NPRL3: variants seen among roughly 807,000 people sequenced by gnomAD.
NPRL3 encodes the protein NPR3 like, GATOR1 complex subunit.
NPRL3 carries 23 observed loss-of-function variants against 57.2 expected under a neutral mutation model. That is an observed-to-expected ratio of 0.40 (90% confidence interval 0.29 to 0.57). The LOEUF (loss-of-function observed/expected upper bound fraction) is 0.57, where lower values mean the gene tolerates loss of function less well. NPRL3 is among the 20% of genes least tolerant of loss of function. The pLI is 0.42. For synonymous variants in NPRL3, 333 were observed against 321.1 expected, an observed-to-expected ratio of 1.04 and a Z score of -0.39; for missense variants, 691 against 767.1, an observed-to-expected ratio of 0.90 and a Z score of 1.17.
chr16:103,431 G>A (rs1340145698), intron 7 of NPRL3, among the ~76,000 whole-genome samples: 1 of 148,108 alleles, frequency 6.8e-6, no homozygotes, highest in Non-Finnish European at 1.5e-5. Flanking sequence ...GTGAGCCACC[G>A]CACCCACCCA....
At chr16:105,402 T>C in intron 7 of NPRL3, among the ~76,000 whole-genome samples, 1 of 152,206 alleles carries the variant, frequency 6.6e-6, no homozygotes, top group East Asian at 1.9e-4. Context: ...CCATAAGTAG[T>C]GGGATGCTGC....
rs1023829139 is a variant in NPRL3 at position 105,639 on chromosome 16, C to T, written c.629+4886G>A. On this transcript the variant is annotated intron_variant, in intron 7 of 13. Coordinates refer to ENST00000611875, the MANE Select transcript of NPRL3 (RefSeq NM_001077350.3). ...CACTCCCCACCACAGGTCCTGTTAA[C>T]TCGGAGAACCATTCAGCAAATCACT... 1.1e-4 allele frequency among the ~76,000 whole-genome samples: 16 copies of T among 152,336 alleles called. 2 individuals carry two copies. Among genetic ancestry groups the T allele is most frequent in the Admixed American group, 1.0e-3 (16 of 15,298 alleles).
Position 110,515 on chromosome 16 carries a change from C to A in NPRL3, c.629+10G>T, listed in dbSNP as rs1221821257. On this transcript the variant is annotated intron_variant, in intron 7 of 13. Coordinates refer to ENST00000611875, the MANE Select transcript of NPRL3 (RefSeq NM_001077350.3). ...AGAAGGAGGTTAATAAGCACACCCACCTGTCTTACCTGTCATAAGCTTCCT... is the reference window on the plus strand; with the variant it reads ...AGAAGGAGGTTAATAAGCACACCCAACTGTCTTACCTGTCATAAGCTTCCT... 1.2e-6 allele frequency: 2 copies of A among 1,607,962 alleles called. No individual in the cohort carries two copies. The highest frequency in any genetic ancestry group is 1.7e-6 in the Non-Finnish European group (2 of 1,176,930).
In NPRL3 at chr16:137,726, T is replaced by G. The variant is rs1011663706; in HGVS notation, c.118+424A>C. ...CACCACGCTCGGCTAATTTGTTTTT[T>G]TTTATTTTTATTTTTTCAGTAGAGA... On this transcript the variant is annotated intron_variant, in intron 2 of 13. Coordinates refer to ENST00000611875, the MANE Select transcript of NPRL3 (RefSeq NM_001077350.3). 2.0e-5 allele frequency among the ~76,000 whole-genome samples: 3 copies of G among 151,934 alleles called. No individual in the cohort carries two copies. The East Asian group carries it at 5.8e-4, about 29-fold the overall frequency.
At chr16:121,109 T>G (rs895481509) in intron 3 of NPRL3, among the ~76,000 whole-genome samples, 5 of 152,194 alleles carry the variant, frequency 3.3e-5, no homozygotes, top group Admixed American at 1.3e-4. Context: ...GTCACAGCCA[T>G]GTCTCAGCCT....
At chr16:119,072 A>G (rs1319232995) in intron 4 of NPRL3, 54 bp downstream of exon 4, 8 of 1,601,448 alleles carry the variant, frequency 5.0e-6, no homozygotes, top group Non-Finnish European at 6.8e-6. Flanking sequence ...ACACCTGCCC[A>G]AGGAGAGCCA....
chr16:104,601 G>A (rs928618895), intron 7 of NPRL3, among the ~76,000 whole-genome samples: 2 of 152,188 alleles, frequency 1.3e-5, no homozygotes, highest in African/African-American at 4.8e-5. Flanking sequence ...GCAGAGACAC[G>A]CCATGTTGGT....
At chr16:137,045 TAAAAAAAAAA>T (rs71391116) in intron 2 of NPRL3, among the ~76,000 whole-genome samples, 3 of 66,080 alleles carry the variant, frequency 4.5e-5, no homozygotes, top group Admixed American at 1.8e-4. Flanking sequence ...CCATCTCTAC[TAAAAAAAAAA>T]AAAAAAAAAA....
At chr16:116,424 A>C (rs905867872) in intron 5 of NPRL3, among the ~76,000 whole-genome samples, 7 of 152,350 alleles carry the variant, frequency 4.6e-5, no homozygotes, top group African/African-American at 1.7e-4. Context: ...ATCAAGCAGA[A>C]AGTGAAGAAC....
intron 5 of NPRL3, among the ~76,000 whole-genome samples, chr16:114,077 TAGA>T (rs1190408538): frequency 3.3e-5 from 5 of 152,186 alleles, no homozygotes; most frequent in African/African-American, 4.8e-5. Flanking sequence ...AATACCCACC[TAGA>T]AGAAGAATCT....
At chr16:97,410 A>ATTTTTTTTTTTTTTTTTTTTT (rs34410203) in intron 9 of NPRL3, among the ~76,000 whole-genome samples, 3 of 115,086 alleles carry the variant, frequency 2.6e-5, no homozygotes, top group African/African-American at 3.4e-5. Context: ...ACACCCAGCT[A>ATTTTTTTTTTTTTTTTTTTTT]TTTTTTTTTT....
chr16:112,795 C>T lies in NPRL3; in HGVS notation c.394-20G>A, dbSNP rs2141950467. 6.4e-7 allele frequency: 1 copy of T among 1,567,170 alleles called. No individual in the cohort carries two copies. Among genetic ancestry groups the T allele is most frequent in the Non-Finnish European group, 8.7e-7 (1 of 1,147,686 alleles). ...GTTGGCCTGCAGGAGAGAGACCATA[C>T]ACAGACTCAAACGTGTGCACAGGGA... On this transcript the variant is annotated intron_variant, in intron 5 of 13. Transcript: ENST00000611875.
In NPRL3 at chr16:98,680, A is replaced by G. The variant is rs554086258; in HGVS notation, c.768-379T>C. 3.9e-5 allele frequency among the ~76,000 whole-genome samples: 6 copies of G among 152,352 alleles called. No individual in the cohort carries two copies. The South Asian group carries it at 1.0e-3, about 26-fold the overall frequency. On this transcript the variant is annotated intron_variant, in intron 8 of 13. Transcript: ENST00000611875. ...ATCTGCCAAGGACTGGCTCATGCCTATAATCCCGGCACTCTGGGAGGCCAA... is the reference window on the plus strand; with the variant it reads ...ATCTGCCAAGGACTGGCTCATGCCTGTAATCCCGGCACTCTGGGAGGCCAA...
rs181048866 is a variant in NPRL3 at position 98,920 on chromosome 16, G to C, written c.768-619C>G. ...GCCATTGCACTCCAGCCTGGCGACA[G>C]AGTGAGACTCTGTCTCAAAAACAAC... On this transcript the variant is annotated intron_variant, in intron 8 of 13. Coordinates refer to ENST00000611875, the MANE Select transcript of NPRL3 (RefSeq NM_001077350.3). Among the ~76,000 whole-genome samples, 416 of 152,296 alleles carry C rather than the reference G, an allele frequency of 2.7e-3. 3 individuals carry two copies. The highest frequency in any genetic ancestry group is 3.1e-3 in the Non-Finnish European group (211 of 68,024).
rs549331705 is a variant in NPRL3, at chr16:98,978, C to T, written c.768-677G>A. Among the ~76,000 whole-genome samples the T allele has an allele frequency of 6.6e-5, 10 of 152,166 alleles. No homozygotes were observed. In the East Asian group the frequency reaches 1.5e-3, roughly 24 times the overall value. Reference sequence around the variant, plus strand: ...AAACCTGCAAGGATTATGTCACCCTCGGAAAAAAACACGACAAAAGTGGGG... The same window carrying T: ...AAACCTGCAAGGATTATGTCACCCTTGGAAAAAAACACGACAAAAGTGGGG... On this transcript the variant is annotated intron_variant, in intron 8 of 13. Coordinates refer to ENST00000611875, the MANE Select transcript of NPRL3 (RefSeq NM_001077350.3).
chr16:114,196 C>G (rs1326051554), intron 5 of NPRL3, among the ~76,000 whole-genome samples: 1 of 152,134 alleles, frequency 6.6e-6, no homozygotes, highest in African/African-American at 2.4e-5. Context: ...TGTCCAGGGC[C>G]CATATGCTTG....
chr16:90,790 T>C (rs1455416390), intron 11 of NPRL3: 2 of 152,226 alleles, frequency 1.3e-5, no homozygotes, highest in African/African-American at 4.8e-5. Context: ...GTAAGAAGAC[T>C]TGGTCAAAAG....
At chr16:138,006 T>C in intron 2 of NPRL3, 144 bp downstream of exon 2, 1 of 625,278 alleles carries the variant, frequency 1.6e-6, no homozygotes, top group Non-Finnish European at 2.8e-6. Flanking sequence ...TTTTTTTTCC[T>C]TTTTCTACTT....
intron 7 of NPRL3, among the ~76,000 whole-genome samples, chr16:110,267 C>G (rs1397848871): frequency 6.6e-6 from 1 of 151,406 alleles, no homozygotes; most frequent in Non-Finnish European, 1.5e-5. Flanking sequence ...AAAACTCCAT[C>G]TCAAAAAAAA....
Sources: allele counts gnomAD v4.1 joint callset (sites outside exome capture counted in the v4.1 genomes callset), GRCh38; gene constraint gnomAD v4.1.1; transcripts MANE v1.5; gene names NCBI Gene and HGNC (gene_info 2026-07-23, HGNC 2026-07-21).